ODF2L: variants seen among roughly 807,000 people sequenced by gnomAD.
ODF2L encodes the protein protein BCAP.
ODF2L carries 76 observed loss-of-function variants against 86.3 expected under a neutral mutation model. The ratio of observed to expected loss-of-function variants is 0.88; its 90% CI spans 0.73 to 1.07. The LOEUF (loss-of-function observed/expected upper bound fraction) is 1.07, where lower values mean the gene tolerates loss of function less well. Among genes scored for constraint, ODF2L ranks in the 50% least tolerant of loss-of-function variants. The pLI is 0.00. For missense variants in ODF2L, 748 were observed against 717.4 expected (o/e 1.04, Z -0.49); for synonymous variants, 241 against 231.3 (o/e 1.04, Z -0.38).
At chr1:86,366,341 C>T (rs927595947) in intron 11 of ODF2L, among the ~76,000 whole-genome samples, 2 of 150,300 alleles carry the variant, frequency 1.3e-5, no homozygotes, top group African/African-American at 4.9e-5. Context: ...ATCGCTTGAG[C>T]CCAGGAGTTC....
chr1:86,380,322 A>G (rs1269661636), intron 7 of ODF2L, among the ~76,000 whole-genome samples: 2 of 152,124 alleles, frequency 1.3e-5, no homozygotes, highest in African/African-American at 4.8e-5. Context: ...GAGAAGGAGC[A>G]ATACATTCTT....
At chr1:86,359,363 C>G (rs1157583703) in intron 12 of ODF2L, among the ~76,000 whole-genome samples, 1 of 152,118 alleles carries the variant, frequency 6.6e-6, no homozygotes, top group Non-Finnish European at 1.5e-5. Context: ...ACAAGTCCCA[C>G]AGTCCACCAC....
downstream of ODF2L, chr1:86,348,921 T>C: frequency 6.6e-7 from 1 of 1,525,356 alleles, no homozygotes. Flanking sequence ...AATAATAGCA[T>C]TCATTCCAAA....
intron 1 of ODF2L, among the ~76,000 whole-genome samples, chr1:86,394,534 A>G (rs1161028131): frequency 6.6e-6 from 1 of 152,222 alleles, no homozygotes; most frequent in East Asian, 1.9e-4. Flanking sequence ...ATTTAGATTC[A>G]AAAGATGAAA....
chr1:86,380,689 CTTCT>C (rs1311131051), intron 7 of ODF2L, among the ~76,000 whole-genome samples: 2 of 152,032 alleles, frequency 1.3e-5, no homozygotes, highest in Non-Finnish European at 2.9e-5. Context: ...AGCTGATTAT[CTTCT>C]TTTTCTATCT....
intron 10 of ODF2L, among the ~76,000 whole-genome samples, chr1:86,369,367 G>C (rs1161595750): frequency 6.6e-6 from 1 of 152,084 alleles, no homozygotes; most frequent in Non-Finnish European, 1.5e-5. Flanking sequence ...TACATTAAAG[G>C]TGAGAAAAGA....
At chr1:86,348,692 A>C, downstream of ODF2L, 1 of 1,289,944 alleles carries the variant, frequency 7.8e-7, no homozygotes, top group Non-Finnish European at 1.0e-6. Flanking sequence ...TTTTTTACCC[A>C]ATCACATTTT....
At chr1:86,384,471 GAAAAAT>G (rs72448156) in intron 4 of ODF2L, among the ~76,000 whole-genome samples, 199 bp downstream of exon 4, 46,296 of 151,176 alleles carry the variant, frequency 0.31, 7,382 homozygotes, top group Admixed American at 0.35. Context: ...TTTTTGAGAT[GAAAAAT>G]AAAAATACAT....
At chr1:86,393,595 C>T (rs1351527150) in intron 1 of ODF2L, among the ~76,000 whole-genome samples, 1 of 152,230 alleles carries the variant, frequency 6.6e-6, no homozygotes, top group East Asian at 1.9e-4. Flanking sequence ...GAAGAGTTGA[C>T]AGCAAGAGTG....
chr1:86,360,486 G>A (rs12758659), exon 12 of ODF2L: 34,551 of 1,602,998 alleles, frequency 0.022, 604 homozygotes, highest in African/African-American at 0.079. Context: ...GCAATTCTGA[G>A]AGTTCATTTT....
chr1:86,388,126 G>A (rs1192698674), intron 1 of ODF2L, among the ~76,000 whole-genome samples: 2 of 151,996 alleles, frequency 1.3e-5, no homozygotes, highest in Non-Finnish European at 2.9e-5. Context: ...AGAAAGTGAA[G>A]TCCAAAAAGA....
chr1:86,352,250 A>T, intron 17 of ODF2L: 2 of 1,451,590 alleles, frequency 1.4e-6, no homozygotes, highest in South Asian at 1.4e-5. Context: ...GTCATTATCT[A>T]GTAGACAGTT....
rs182103270 is a variant in ODF2L at position 86,384,728 on chromosome 1, T to C, written c.320A>G (p.Lys107Arg). 15 of 1,536,616 alleles carry C rather than the reference T, an allele frequency of 9.8e-6. No individual in the cohort carries two copies. In the East Asian group the frequency reaches 2.9e-4, roughly 30 times the overall value. The change falls in exon 4 of 18, where the codon AAA becomes AGA. Residue 107 changes from lysine (K) to arginine (R), a missense_variant. By Grantham distance (26) the Lys-to-Arg change is conservative. Transcript: ENST00000317336. Reference sequence around the variant, plus strand: ...ATGTTCTAAAGCTAGTTTTACACTTTTGAAGGTGTCTAATTCTTTTATTAA... The same window carrying C: ...ATGTTCTAAAGCTAGTTTTACACTTCTGAAGGTGTCTAATTCTTTTATTAA...
chr1:86,383,089 C>A (rs754643374), intron 5 of ODF2L, 45 bp downstream of exon 5: 16 of 1,349,466 alleles, frequency 1.2e-5, no homozygotes, highest in Non-Finnish European at 1.7e-5. Flanking sequence ...ATGCAAATAA[C>A]AATGACAGGA....
chr1:86,358,172 G>T, intron 13 of ODF2L: 1 of 703,632 alleles, frequency 1.4e-6, no homozygotes, highest in Non-Finnish European at 1.7e-6. Flanking sequence ...CACTAACATC[G>T]CATGACCTCT....
At chr1:86,384,622 C>T in intron 4 of ODF2L, 54 bp downstream of exon 4, 6 of 1,128,016 alleles carry the variant, frequency 5.3e-6, no homozygotes, top group Non-Finnish European at 7.0e-6. Context: ...AATAATGTAT[C>T]CTTCAAATGA....
chr1:86,382,577 T>C (rs1570422802), intron 6 of ODF2L, among the ~76,000 whole-genome samples: 1 of 152,136 alleles, frequency 6.6e-6, no homozygotes, highest in Admixed American at 6.6e-5. Flanking sequence ...GGCTTTCTTT[T>C]TTAAAATTCC....
chr1:86,355,295 CAT>C, intron 14 of ODF2L: 2 of 1,197,314 alleles, frequency 1.7e-6, no homozygotes, highest in Non-Finnish European at 2.4e-6. Context: ...AAATAAAATA[CAT>C]ATTTTTTTGA....
intron 4 of ODF2L, among the ~76,000 whole-genome samples, chr1:86,384,385 T>C (rs1660788920): frequency 6.7e-6 from 1 of 149,148 alleles, no homozygotes; most frequent in Non-Finnish European, 1.5e-5. Context: ...TAGATATGTA[T>C]AAATATAATG....
Sources: gnomAD v4.1 joint callset for allele counts (sites outside exome capture counted in the v4.1 genomes callset) on GRCh38, gnomAD v4.1.1 for gene constraint, MANE v1.5 for transcripts, NCBI Gene and HGNC (gene_info 2026-07-23, HGNC 2026-07-21) for gene names.